The following MAPK9 variants were observed in gnomAD, a reference collection of about 807,000 sequenced individuals.
The protein encoded by MAPK9 is mitogen-activated protein kinase 9.
In MAPK9, 30 loss-of-function variants were observed where a neutral mutation model predicts 57.1. The ratio of observed to expected loss-of-function variants is 0.53; its 90% CI spans 0.39 to 0.71. The LOEUF is 0.71. Among genes scored for constraint, MAPK9 ranks in the 30% least tolerant of loss-of-function variants. The pLI is 0.00. For missense variants in MAPK9, 362 were observed against 521.0 expected, an observed-to-expected ratio of 0.69 and a Z score of 2.97; for synonymous variants, 155 against 177.0, an observed-to-expected ratio of 0.88 and a Z score of 0.99.
chr5:180,288,429 T>C (rs2077264091), intron 1 of MAPK9, among the ~76,000 whole-genome samples: 1 of 152,220 alleles, frequency 6.6e-6, no homozygotes, highest in Admixed American at 6.5e-5. Flanking sequence ...ATGGGGCAGC[T>C]GGAAATTTGA....
chr5:180,260,955 T>C (rs2092224612), intron 5 of MAPK9, among the ~76,000 whole-genome samples: 1 of 151,260 alleles, frequency 6.6e-6, no homozygotes, highest in African/African-American at 2.4e-5. Context: ...AAAAAAAAAA[T>C]CTATCATGAT....
chr5:180,236,565 C>T (rs191575213), intron 11 of MAPK9, 39 bp from the exon 12 acceptor site: 23 of 1,595,992 alleles, frequency 1.4e-5, no homozygotes, highest in Admixed American at 1.0e-4. Context: ...ATCTGAGGCA[C>T]GACATTGCTG....
At position 180,259,512 on chromosome 5, in the gene MAPK9, G is replaced by C. The variant is rs180767026; in HGVS notation, c.450+2172C>G. 1.9e-3 allele frequency among the ~76,000 whole-genome samples: 284 copies of C among 151,910 alleles called. 1 individual carries two copies. Among genetic ancestry groups the C allele is most frequent in the African/African-American group, 6.5e-3 (267 of 41,374 alleles). ...ACATTCCAGTTCTCTATGTAAACAC[G>C]GAAGAACTCACACTGGAGAGAAACC... On this transcript the variant is annotated intron_variant, in intron 5 of 11. Transcript: ENST00000452135.
chr5:180,247,831 T>A lies in MAPK9; in HGVS notation c.617-321A>T, dbSNP rs371018333. 6.2e-7 allele frequency: 1 copy of A among 1,613,268 alleles called. No individual in the cohort carries two copies. The highest frequency in any genetic ancestry group is 8.5e-7 in the Non-Finnish European group (1 of 1,179,416). ...GCCCACCCCAGCCTCCATGGCCAAG[T>A]ACCGGGTCCCCTGTGAAGGATACAG... On this transcript the variant is annotated intron_variant, in intron 6 of 11. Coordinates refer to ENST00000452135, the MANE Select transcript of MAPK9 (RefSeq NM_002752.5). The surrounding 1 kb of genome is among the most constrained non-coding windows in gnomAD (Gnocchi z 4.5).
At chr5:180,256,259 T>G (rs1325950387) in intron 5 of MAPK9, among the ~76,000 whole-genome samples, 1 of 152,242 alleles carries the variant, frequency 6.6e-6, no homozygotes, top group Non-Finnish European at 1.5e-5. Flanking sequence ...AATTTATGTT[T>G]TGTATTAAAC....
At chr5:180,263,267 T>G (rs1038683494) in intron 4 of MAPK9, among the ~76,000 whole-genome samples, 2 of 152,274 alleles carry the variant, frequency 1.3e-5, no homozygotes, top group South Asian at 2.1e-4. Flanking sequence ...GCTAATACCA[T>G]GGCTCTATCT....
At chr5:180,238,150 G>A (rs535423088) in intron 11 of MAPK9, 182 bp downstream of exon 11, 5 of 455,310 alleles carry the variant, frequency 1.1e-5, no homozygotes, top group South Asian at 4.3e-5. Context: ...CGTGCCTGTA[G>A]TCCCAGCTAC....
chr5:180,276,232 T>G (rs1761805313), intron 2 of MAPK9, among the ~76,000 whole-genome samples: 1 of 152,204 alleles, frequency 6.6e-6, no homozygotes, highest in Non-Finnish European at 1.5e-5. Context: ...AACAGGCCAG[T>G]ACTCATGTTT....
intron 6 of MAPK9, chr5:180,248,028 G>C: frequency 9.2e-7 from 1 of 1,090,688 alleles, no homozygotes; most frequent in Admixed American, 2.4e-5. Flanking sequence ...GCTTGCCGGC[G>C]GGAGCCTCTG....
Position 180,247,368 on chromosome 5 carries a change from T to C in MAPK9, c.688+71A>G. 1 of 1,577,258 alleles carries C rather than the reference T, an allele frequency of 6.3e-7. No individual in the cohort carries two copies. Among genetic ancestry groups the C allele is most frequent in the Non-Finnish European group, 8.7e-7 (1 of 1,146,480 alleles). Reference sequence around the variant, plus strand: ...ACGACTTTGTCCTCGTGAGCGCTCGTGTAAGCAGGTGGTCATGCTGCCTGA... The same window carrying C: ...ACGACTTTGTCCTCGTGAGCGCTCGCGTAAGCAGGTGGTCATGCTGCCTGA... On this transcript the variant is annotated intron_variant, in intron 7 of 11. Transcript: ENST00000452135. The surrounding 1 kb of genome is among the most constrained non-coding windows in gnomAD (Gnocchi z 4.5).
intron 2 of MAPK9, among the ~76,000 whole-genome samples, chr5:180,274,239 T>C (rs1402372375): frequency 2.0e-5 from 3 of 152,240 alleles, no homozygotes; most frequent in Non-Finnish European, 4.4e-5. Flanking sequence ...ATTTTCTATA[T>C]GCTGCTAGTA....
chr5:180,246,928 A>G (rs1758164507), intron 7 of MAPK9: 1 of 153,034 alleles, frequency 6.5e-6, no homozygotes, highest in African/African-American at 2.4e-5. Context: ...TTTTCATTTT[A>G]ATCTCTTTCA....
intron 2 of MAPK9, among the ~76,000 whole-genome samples, chr5:180,278,825 A>C (rs1435439853): frequency 6.6e-6 from 1 of 151,922 alleles, no homozygotes; most frequent in Non-Finnish European, 1.5e-5. Flanking sequence ...TGCACACATC[A>C]AATTATCTGT....
chr5:180,286,047 T>C (rs947222925), intron 1 of MAPK9, among the ~76,000 whole-genome samples: 3 of 137,824 alleles, frequency 2.2e-5, no homozygotes, highest in African/African-American at 8.2e-5. Context: ...ACCATTGCAC[T>C]CCAGCCTGGG....
intron 3 of MAPK9, 118 bp downstream of exon 3, chr5:180,269,162 G>T: frequency 9.1e-7 from 1 of 1,099,352 alleles, no homozygotes; most frequent in Non-Finnish European, 1.3e-6. Flanking sequence ...AATGTTAATA[G>T]CCATTTTTAT....
At chr5:180,278,504 A>G (rs1762026497) in intron 2 of MAPK9, among the ~76,000 whole-genome samples, 1 of 152,220 alleles carries the variant, frequency 6.6e-6, no homozygotes, top group African/African-American at 2.4e-5. Context: ...GATCGAGACC[A>G]TCCTGGCCAA....
intron 1 of MAPK9, among the ~76,000 whole-genome samples, chr5:180,283,487 A>G (rs552018799): frequency 1.4e-4 from 21 of 152,330 alleles, no homozygotes; most frequent in African/African-American, 5.1e-4. Context: ...GTTGGGACTG[A>G]CAGATCAATC....
At chr5:180,238,449 G>T in intron 10 of MAPK9, 46 bp from the exon 11 acceptor site, 1 of 1,319,030 alleles carries the variant, frequency 7.6e-7, no homozygotes, top group Non-Finnish European at 1.1e-6. Flanking sequence ...TTTCTAAACA[G>T]TTTCACTGTA....
At chr5:180,276,400 T>C (rs1242701538) in intron 2 of MAPK9, among the ~76,000 whole-genome samples, 1 of 152,192 alleles carries the variant, frequency 6.6e-6, no homozygotes, top group African/African-American at 2.4e-5. Context: ...TAATCTTTAC[T>C]ATTTTGGCCA....
Sources: allele counts gnomAD v4.1 joint callset (sites outside exome capture counted in the v4.1 genomes callset), GRCh38; gene constraint gnomAD v4.1.1; non-coding constraint Gnocchi (gnomAD v3.1); transcripts MANE v1.5; gene names NCBI Gene and HGNC (gene_info 2026-07-23, HGNC 2026-07-21).